Variants in PCDH11X observed in about 807,000 individuals in gnomAD.
PCDH11X encodes the protein protocadherin-11 X-linked.
In PCDH11X, 18 loss-of-function variants were observed where a neutral mutation model predicts 53.3. The observed-to-expected ratio is 0.34, with a 90% CI of 0.23 to 0.50. PCDH11X has a LOEUF of 0.50. Among genes scored for constraint, PCDH11X ranks in the 20% least tolerant of loss-of-function variants. The probability of loss-of-function intolerance (pLI) is 0.98; values close to 1 mark genes in which losing one functional copy is unlikely to be tolerated. For missense variants in PCDH11X, 570 were observed against 1,032.4 expected, an observed-to-expected ratio of 0.55 and a Z score of 6.14; for synonymous variants, 279 against 393.3, an observed-to-expected ratio of 0.71 and a Z score of 3.44.
At chrX:92,382,458 T>C (rs1461068738) in intron 8 of PCDH11X, among the ~76,000 whole-genome samples, 1 of 111,341 alleles carries the variant, frequency 9.0e-6, no homozygotes. Flanking sequence ...GGTGCCAGAT[T>C]AACCTGTCCA....
chrX:92,208,539 A>ATATATAT (rs1337601368), intron 7 of PCDH11X, among the ~76,000 whole-genome samples: 25 of 75,678 alleles, frequency 3.3e-4, no homozygotes, highest in East Asian at 4.0e-4. Context: ...ATATATATAC[A>ATATATAT]ATTTTTTTTA....
intron 8 of PCDH11X, among the ~76,000 whole-genome samples, chrX:92,348,760 T>C (rs2069970185): frequency 9.3e-6 from 1 of 108,056 alleles, no homozygotes; most frequent in Non-Finnish European, 1.9e-5. Flanking sequence ...GGTCTCGAAC[T>C]CCTGACCTCA....
At chrX:91,893,869 G>T (rs1467780272) in intron 6 of PCDH11X, among the ~76,000 whole-genome samples, 1 of 111,013 alleles carries the variant, frequency 9.0e-6, no homozygotes, top group Non-Finnish European at 1.9e-5. Flanking sequence ...GAACTTCTTG[G>T]CACTTACATT....
chrX:92,201,212 CCTCAATAACCATTTGTTACATAAATAAA>C (rs1256532464), intron 6 of PCDH11X, 135 bp from the exon 7 acceptor site: 1 of 309,022 alleles, frequency 3.2e-6, no homozygotes, highest in African/African-American at 2.9e-5. Flanking sequence ...TATTGTTAAC[CCTCAATAACCATTTGTTACATAAATAAA>C]CTATGATGTC....
intron 6 of PCDH11X, among the ~76,000 whole-genome samples, chrX:91,906,962 A>T (rs1941180111): frequency 9.0e-6 from 1 of 110,984 alleles, no homozygotes; most frequent in African/African-American, 3.3e-5. Flanking sequence ...AAGAAGGATA[A>T]ATCACTTGAG....
intron 9 of PCDH11X, among the ~76,000 whole-genome samples, chrX:92,415,372 T>C (rs1211133575): frequency 8.9e-6 from 1 of 111,774 alleles, no homozygotes. Flanking sequence ...TGTGGACCTT[T>C]ATTTCATGAC....
At chrX:91,932,249 C>T (rs1255092009) in intron 6 of PCDH11X, among the ~76,000 whole-genome samples, 1 of 110,206 alleles carries the variant, frequency 9.1e-6, no homozygotes, top group Non-Finnish European at 1.9e-5. Flanking sequence ...TGAGCCACAG[C>T]TGTGGAACAT....
At chrX:92,416,693 C>T (rs1412942864) in intron 9 of PCDH11X, among the ~76,000 whole-genome samples, 1 of 110,881 alleles carries the variant, frequency 9.0e-6, no homozygotes, top group African/African-American at 3.3e-5. Flanking sequence ...CCGTTCTATG[C>T]TTTTATCAAA....
chrX:91,809,575 A>T lies in PCDH11X; in HGVS notation c.-269A>T, dbSNP rs1406967874. ...GTAAATTCATGCATACTCCAAATAA[A>T]ATACAGAATGTGAAGTATCTCTGAA... On this transcript the variant is annotated 5_prime_UTR_variant, in exon 2 of 11. Transcript: ENST00000682573. 9.6e-6 allele frequency among the ~76,000 whole-genome samples: 1 copy of T among 103,704 alleles called. No individual in the cohort carries two copies. Among genetic ancestry groups the T allele is most frequent in the Non-Finnish European group, 2.0e-5 (1 of 50,646 alleles). 90.1% of individuals were successfully genotyped at this position (103,704 alleles called of 115,157 possible). A position where few individuals can be genotyped will look rare whatever the true frequency, so the allele number is the denominator to read the frequency against.
chrX:92,398,897 T>C (rs2071311108), intron 9 of PCDH11X, among the ~76,000 whole-genome samples: 1 of 110,532 alleles, frequency 9.0e-6, no homozygotes, highest in African/African-American at 3.3e-5. Context: ...ATTTACAGCA[T>C]TTAAAAATAT....
chrX:91,823,596 A>T (rs1463382830), intron 4 of PCDH11X, among the ~76,000 whole-genome samples: 1 of 111,506 alleles, frequency 9.0e-6, no homozygotes, highest in African/African-American at 3.3e-5. Context: ...CTTCCTGAAT[A>T]CAGCACACTG....
In PCDH11X at chrX:92,500,749, T is replaced by TA. The variant is rs1452938169; in HGVS notation, c.3367+32430dup. ...GTGTTAAGAGGGAAATTTATAGCACTAAATCTCAACATCAAAAATCTAGAA... is the reference window on the plus strand; with the variant it reads ...GTGTTAAGAGGGAAATTTATAGCACTAAAATCTCAACATCAAAAATCTAGAA... On this transcript the variant is annotated intron_variant, in intron 10 of 10. Transcript: ENST00000682573. Among the ~76,000 whole-genome samples the TA allele has an allele frequency of 4.9e-4, 51 of 103,639 alleles. No homozygotes were observed. In the South Asian group the frequency reaches 6.5e-3, roughly 13 times the overall value. The allele number at this position is 103,639 out of a possible 115,157, so 90.0% of individuals were successfully genotyped here. A position where few individuals can be genotyped will look rare whatever the true frequency, so the allele number is the denominator to read the frequency against.
At chrX:92,100,444 G>A (rs867106907) in intron 6 of PCDH11X, among the ~76,000 whole-genome samples, 35 of 108,579 alleles carry the variant, frequency 3.2e-4, no homozygotes, top group African/African-American at 1.2e-3. Flanking sequence ...AGTGGGGGTC[G>A]CAAGGTGCTC....
At chrX:92,605,431 T>C (rs1316421915) in intron 10 of PCDH11X, among the ~76,000 whole-genome samples, 1 of 111,222 alleles carries the variant, frequency 9.0e-6, no homozygotes, top group Non-Finnish European at 1.9e-5. Flanking sequence ...ACCACTTCTA[T>C]TAAACATTAA....
intron 10 of PCDH11X, among the ~76,000 whole-genome samples, chrX:92,478,092 C>T (rs1302139896): frequency 9.0e-6 from 1 of 110,697 alleles, no homozygotes; most frequent in African/African-American, 3.3e-5. Flanking sequence ...AAGTGTTTGA[C>T]AGTTTCTCCT....
At chrX:92,140,131 T>C (rs2065155840) in intron 6 of PCDH11X, among the ~76,000 whole-genome samples, 1 of 111,134 alleles carries the variant, frequency 9.0e-6, no homozygotes, top group African/African-American at 3.3e-5. Flanking sequence ...TTTTGAAATA[T>C]ACAGTATTAA....
rs576718286 is a variant in PCDH11X, at chrX:92,370,460, C to CTT, written c.3145-17259_3145-17258dup. Among the ~76,000 whole-genome samples, 161 of 80,264 alleles carry CTT rather than the reference C, an allele frequency of 2.0e-3. No homozygotes were observed. In the South Asian group the frequency reaches 0.03, roughly 15 times the overall value. 69.7% of individuals were successfully genotyped at this position (80,264 alleles called of 115,157 possible). A position where few individuals can be genotyped will look rare whatever the true frequency, so the allele number is the denominator to read the frequency against. On this transcript the variant is annotated intron_variant, in intron 8 of 10. Transcript: ENST00000682573. ...GTTGAAGAGCCATATGTTCTTTTTT[C>CTT]TTTTTTTTTTTTTTTTTGAGACAGA...
intron 7 of PCDH11X, among the ~76,000 whole-genome samples, chrX:92,250,595 G>GTATATA (rs377269087): frequency 0.51 from 50,636 of 98,993 alleles, 11,875 homozygotes; most frequent in Non-Finnish European, 0.69. Context: ...ATGTGTGTAT[G>GTATATA]TATATATATA....
intron 6 of PCDH11X, among the ~76,000 whole-genome samples, chrX:91,909,227 G>T (rs1376298957): frequency 9.0e-6 from 1 of 111,605 alleles, no homozygotes; most frequent in East Asian, 2.8e-4. Context: ...TACTTTATTG[G>T]AAAAAGTGTG....
Sources: gnomAD v4.1 joint callset for allele counts (sites outside exome capture counted in the v4.1 genomes callset) on GRCh38, gnomAD v4.1.1 for gene constraint, MANE v1.5 for transcripts, NCBI Gene and HGNC (gene_info 2026-07-23, HGNC 2026-07-21) for gene names.